KCNQ1: variants seen among roughly 807,000 people sequenced by gnomAD.
KCNQ1 encodes potassium voltage-gated channel subfamily Q member 1, also known as potassium voltage-gated channel subfamily KQT member 1.
In KCNQ1, 49 loss-of-function variants were observed where a neutral mutation model predicts 72.4. That is an observed-to-expected ratio of 0.68 (90% confidence interval 0.54 to 0.86). KCNQ1 has a LOEUF of 0.86. Among genes scored for constraint, KCNQ1 ranks in the 40% least tolerant of loss-of-function variants. KCNQ1 has a pLI of 0.00. For missense variants in KCNQ1, 790 were observed against 945.1 expected, an observed-to-expected ratio of 0.84 and a Z score of 2.15; for synonymous variants, 450 against 412.6, an observed-to-expected ratio of 1.09 and a Z score of -1.10.
Position 2,626,882 on chromosome 11 carries a change from T to TC in KCNQ1, c.1394-35078dup, listed in dbSNP as rs1849270553. The TC allele has an allele frequency of 2.5e-6, 1 of 398,498 alleles. No individual in the cohort carries two copies. The allele number at this position is 398,498 out of a possible 1,614,324, so 24.7% of individuals were successfully genotyped here. A position where few individuals can be genotyped will look rare whatever the true frequency, so the allele number is the denominator to read the frequency against. On this transcript the variant is annotated intron_variant, in intron 10 of 15. Transcript: ENST00000155840. The surrounding 1 kb of genome is among the most constrained non-coding windows in gnomAD (Gnocchi z 4.0). The stretch of plus-strand genomic sequence containing the variant: ...AGTCCTCCAATGTTGTTCATCATTT[T>TC]CAAGAATGTTTTAGCTATTCAAGGT...
Position 2,538,788 on chromosome 11 carries a change from T to A in KCNQ1, c.477+10770T>A, listed in dbSNP as rs1244806216. On this transcript the variant is annotated intron_variant, in intron 2 of 15. Coordinates refer to ENST00000155840, the MANE Select transcript of KCNQ1 (RefSeq NM_000218.3). This position sits in a 1 kb window ranked among gnomAD's most constrained non-coding sequence, Gnocchi z 6.7. ...CTGCAGGCCAGAATTGTCATATATA[T>A]CAAGTTTGTTCAGAACAAGATGGGG... Among the ~76,000 whole-genome samples the A allele has an allele frequency of 1.5e-5, 2 of 132,516 alleles. No homozygotes were observed. The highest frequency in any genetic ancestry group is 1.7e-4 in the Admixed American group (2 of 11,978). The allele number at this position is 132,516 out of a possible 152,430, so 86.9% of individuals were successfully genotyped here.
intron 11 of KCNQ1, among the ~76,000 whole-genome samples, chr11:2,743,274 C>G (rs754465238): frequency 6.6e-6 from 1 of 152,156 alleles, no homozygotes; most frequent in Non-Finnish European, 1.5e-5. Context: ...AGGCCCTGTG[C>G]TCCTCCAGAA....
chr11:2,710,762 C>A lies in KCNQ1; in HGVS notation c.1514+48681C>A, dbSNP rs1352309143. Among the ~76,000 whole-genome samples, 2 of 152,108 alleles carry A rather than the reference C, an allele frequency of 1.3e-5. No individual in the cohort carries two copies. Among genetic ancestry groups the A allele is most frequent in the East Asian group, 3.9e-4 (2 of 5,190 alleles). ...CTTTCCTCAGTGAAGGATGTTGATA[C>A]CCTTGTCAAAAATCAGTTGACAGTA... is the stretch of plus-strand genomic sequence containing the variant. On this transcript the variant is annotated intron_variant, in intron 11 of 15. Coordinates refer to ENST00000155840, the MANE Select transcript of KCNQ1 (RefSeq NM_000218.3). The surrounding 1 kb of genome is among the most constrained non-coding windows in gnomAD (Gnocchi z 4.1).
At chr11:2,756,977 A>AAAAC (rs1846312939) in intron 11 of KCNQ1, among the ~76,000 whole-genome samples, 3 of 134,036 alleles carry the variant, frequency 2.2e-5, no homozygotes, top group South Asian at 2.4e-4. Context: ...AAAAAAAAAA[A>AAAAC]AAAACCCACA....
rs575357218 is a variant in KCNQ1 at position 2,446,939 on chromosome 11, G to A, written c.386+1455G>A. 6.6e-6 allele frequency among the ~76,000 whole-genome samples: 1 copy of A among 152,234 alleles called. No homozygotes were observed. The highest frequency in any genetic ancestry group is 1.5e-5 in the Non-Finnish European group (1 of 68,042). The stretch of plus-strand genomic sequence containing the variant: ...GCCACTGTGCAAATGTCTAGCAGAT[G>A]CCAGGTTCACAGGTGCTGTGTGCTG... On this transcript the variant is annotated intron_variant, in intron 1 of 15. Coordinates refer to ENST00000155840, the MANE Select transcript of KCNQ1 (RefSeq NM_000218.3). The surrounding 1 kb of genome is among the most constrained non-coding windows in gnomAD (Gnocchi z 8.8).
chr11:2,521,260 A>G (rs574054557), intron 1 of KCNQ1, among the ~76,000 whole-genome samples: 1 of 152,040 alleles, frequency 6.6e-6, no homozygotes, highest in South Asian at 2.1e-4. Flanking sequence ...GCAACCGTGG[A>G]TCCGTCCTCC....
rs147686157 is a variant in KCNQ1, at chr11:2,800,563, G to A, written c.1794+22526G>A. On this transcript the variant is annotated intron_variant, in intron 15 of 15. Coordinates refer to ENST00000155840, the MANE Select transcript of KCNQ1 (RefSeq NM_000218.3). ...GAGTGGGGGAAGGGGCCTGGGTCCC[G>A]CACAGGATTGAGGTGGCGTTTACAG... 3.7e-3 allele frequency among the ~76,000 whole-genome samples: 559 copies of A among 152,328 alleles called. 4 individuals carry two copies. Among genetic ancestry groups the A allele is most frequent in the African/African-American group, 0.013 (521 of 41,586 alleles).
chr11:2,624,557 A>G lies in KCNQ1; in HGVS notation c.1393+35703A>G. On this transcript the variant is annotated intron_variant, in intron 10 of 15. Coordinates refer to ENST00000155840, the MANE Select transcript of KCNQ1 (RefSeq NM_000218.3). This position sits in a 1 kb window ranked among gnomAD's most constrained non-coding sequence, Gnocchi z 4.9. ...GGATTTCTATTTGTTGTTGATTTCC[A>G]AATCTTTTATTGTGGCAAAATACAC... 2.5e-6 allele frequency: 1 copy of G among 398,486 alleles called. No homozygotes were observed. 24.7% of individuals were successfully genotyped at this position (398,486 alleles called of 1,614,324 possible). A position where few individuals can be genotyped will look rare whatever the true frequency, so the allele number is the denominator to read the frequency against.
At chr11:2,607,916 T>C (rs1392654632) in intron 10 of KCNQ1, among the ~76,000 whole-genome samples, 2 of 152,212 alleles carry the variant, frequency 1.3e-5, no homozygotes, top group Non-Finnish European at 2.9e-5. Flanking sequence ...GTTATTGTAA[T>C]GAAATACAAA....
chr11:2,777,078 A>T, intron 14 of KCNQ1, 46 bp downstream of exon 14: 1 of 1,576,368 alleles, frequency 6.3e-7, no homozygotes, highest in Non-Finnish European at 8.7e-7. Flanking sequence ...CCTGCAATGG[A>T]CTCTCCCGCA....
chr11:2,833,467 C>T (rs1026489574), intron 15 of KCNQ1, among the ~76,000 whole-genome samples: 3 of 152,182 alleles, frequency 2.0e-5, no homozygotes, highest in East Asian at 1.9e-4. Flanking sequence ...GGCACCTGGG[C>T]GCAGCTGTCA....
rs905460126 is a variant in KCNQ1 at position 2,471,090 on chromosome 11, C to T, written c.386+25606C>T. Among the ~76,000 whole-genome samples the T allele has an allele frequency of 4.0e-5, 6 of 151,846 alleles. No individual in the cohort carries two copies. Among genetic ancestry groups the T allele is most frequent in the African/African-American group, 1.5e-4 (6 of 41,310 alleles). On this transcript the variant is annotated intron_variant, in intron 1 of 15. Transcript: ENST00000155840. This position sits in a 1 kb window ranked among gnomAD's most constrained non-coding sequence, Gnocchi z 4.8. The stretch of plus-strand genomic sequence containing the variant: ...TGGGATGGCCCTCCTCCCTCCACAG[C>T]AGAGTTCTACCCGCCCTCACCACCC...
intron 10 of KCNQ1, among the ~76,000 whole-genome samples, chr11:2,594,366 C>G (rs1380742787): frequency 6.6e-6 from 1 of 152,104 alleles, no homozygotes; most frequent in Non-Finnish European, 1.5e-5. Flanking sequence ...CTTTAGTGTT[C>G]AGAGGTTTCA....
chr11:2,630,067 C>A, intron 10 of KCNQ1: 1 of 398,268 alleles, frequency 2.5e-6, no homozygotes, highest in Non-Finnish European at 4.4e-6. Flanking sequence ...TCATATATGG[C>A]CTTTATTGTG....
At chr11:2,681,348 A>G in intron 11 of KCNQ1, 1 of 398,294 alleles carries the variant, frequency 2.5e-6, no homozygotes, top group Non-Finnish European at 4.4e-6. Context: ...TTTTCCTTGT[A>G]GCTCCCTGCT....
At position 2,593,856 on chromosome 11, in the gene KCNQ1, T is replaced by C. The variant is rs1422680214; in HGVS notation, c.1393+5002T>C. Among the ~76,000 whole-genome samples the C allele has an allele frequency of 6.6e-6, 1 of 152,204 alleles. No homozygotes were observed. On this transcript the variant is annotated intron_variant, in intron 10 of 15. Transcript: ENST00000155840. This position sits in a 1 kb window ranked among gnomAD's most constrained non-coding sequence, Gnocchi z 6.9. ...GTTCTGATTGTGCACTTTTGGTGGC[T>C]GCCACAGGATTAAATCCTGAATGCT...
At position 2,645,588 on chromosome 11, in the gene KCNQ1, A is replaced by G; in HGVS notation, c.1394-16373A>G. The G allele has an allele frequency of 5.0e-6, 2 of 398,694 alleles. No individual in the cohort carries two copies. Among genetic ancestry groups the G allele is most frequent in the Non-Finnish European group, 8.8e-6 (2 of 226,128 alleles). The allele number at this position is 398,694 out of a possible 1,614,324, so 24.7% of individuals were successfully genotyped here. On this transcript the variant is annotated intron_variant, in intron 10 of 15. Transcript: ENST00000155840. This position sits in a 1 kb window ranked among gnomAD's most constrained non-coding sequence, Gnocchi z 5.8. ...CTATAAACAGGCAGTTGGGCAATGCATGCTTCGGCCCCAGGTGGTGACTAT... is the reference window on the plus strand; with the variant it reads ...CTATAAACAGGCAGTTGGGCAATGCGTGCTTCGGCCCCAGGTGGTGACTAT...
Position 2,507,903 on chromosome 11 carries a change from G to A in KCNQ1, c.387-20025G>A, listed in dbSNP as rs1475332447. ...ACAGGGGCAATGGAGGAAGAACAAA[G>A]GACTCTGTGTTGAGCCCTCCTGAGA... On this transcript the variant is annotated intron_variant, in intron 1 of 15. Transcript: ENST00000155840. The surrounding 1 kb of genome is among the most constrained non-coding windows in gnomAD (Gnocchi z 5.4). Among the ~76,000 whole-genome samples, 1 of 152,170 alleles carries A rather than the reference G, an allele frequency of 6.6e-6. No individual in the cohort carries two copies. Among genetic ancestry groups the A allele is most frequent in the African/African-American group, 2.4e-5 (1 of 41,432 alleles).
intron 11 of KCNQ1, among the ~76,000 whole-genome samples, chr11:2,717,774 A>G (rs573868945): frequency 1.6e-4 from 25 of 152,342 alleles, no homozygotes; most frequent in Admixed American, 4.6e-4. Flanking sequence ...GAGAGCGGGT[A>G]GACAGGAAAG....
Sources: gnomAD v4.1 joint callset for allele counts (sites outside exome capture counted in the v4.1 genomes callset) on GRCh38, gnomAD v4.1.1 for gene constraint, Gnocchi (gnomAD v3.1) non-coding constraint, MANE v1.5 for transcripts, NCBI Gene and HGNC (gene_info 2026-07-23, HGNC 2026-07-21) for gene names.